TAFA1: variants seen among roughly 807,000 people sequenced by gnomAD.
The protein encoded by TAFA1 is chemokine-like protein TAFA-1.
Under a neutral mutation model 18.5 loss-of-function variants are expected in TAFA1, and 4 were observed. The ratio of observed to expected loss-of-function variants is 0.22; its 90% CI spans 0.11 to 0.49. The LOEUF is 0.49. Ranked by LOEUF, TAFA1 falls within the 20% of genes least tolerant of loss-of-function variation. The pLI is 0.98. For synonymous variants in TAFA1, 56 were observed against 55.2 expected (o/e 1.01, Z -0.06); for missense variants, 147 against 169.0 (o/e 0.87, Z 0.72).
At chr3:68,347,811 A>G (rs907947938) in intron 2 of TAFA1, among the ~76,000 whole-genome samples, 2 of 152,194 alleles carry the variant, frequency 1.3e-5, no homozygotes, top group African/African-American at 4.8e-5. Context: ...TTGGAAGGGT[A>G]CATCTTTATT....
intron 2 of TAFA1, among the ~76,000 whole-genome samples, chr3:68,309,531 G>A (rs912487156): frequency 8.5e-5 from 13 of 152,120 alleles, no homozygotes; most frequent in Non-Finnish European, 1.9e-4. Flanking sequence ...ACAAATATTG[G>A]AAGAAGCCCA....
At chr3:68,304,819 C>A (rs529725361) in intron 2 of TAFA1, among the ~76,000 whole-genome samples, 1 of 152,124 alleles carries the variant, frequency 6.6e-6, no homozygotes, top group East Asian at 1.9e-4. Flanking sequence ...AAAATGTTGT[C>A]CAAGGAAGGT....
intron 2 of TAFA1, among the ~76,000 whole-genome samples, chr3:68,060,717 G>A (rs1347372972): frequency 6.6e-6 from 1 of 152,160 alleles, no homozygotes; most frequent in African/African-American, 2.4e-5. Context: ...TGTCATGGAT[G>A]TCACGTACAT....
chr3:68,356,195 A>G (rs995121315), intron 2 of TAFA1, among the ~76,000 whole-genome samples: 3 of 151,880 alleles, frequency 2.0e-5, no homozygotes, highest in East Asian at 1.9e-4. Flanking sequence ...GTTGGAATAA[A>G]AAAACAATTT....
At chr3:68,010,897 A>C (rs956578444) in intron 2 of TAFA1, among the ~76,000 whole-genome samples, 1 of 152,142 alleles carries the variant, frequency 6.6e-6, no homozygotes, top group African/African-American at 2.4e-5. Flanking sequence ...TAGTTGTAAA[A>C]AGACACACTA....
chr3:68,380,194 A>T (rs1160954782), intron 2 of TAFA1, among the ~76,000 whole-genome samples: 5 of 152,006 alleles, frequency 3.3e-5, no homozygotes, highest in Non-Finnish European at 7.4e-5. Context: ...TGGTTCCAAG[A>T]CTTTGCTATT....
intron 2 of TAFA1, among the ~76,000 whole-genome samples, chr3:68,223,066 G>C (rs769718854): frequency 6.6e-6 from 1 of 152,066 alleles, no homozygotes; most frequent in African/African-American, 2.4e-5. Flanking sequence ...TTTGAGGCTT[G>C]ATTTCTTTTT....
At chr3:68,139,255 A>G (rs1317763657) in intron 2 of TAFA1, among the ~76,000 whole-genome samples, 1 of 152,220 alleles carries the variant, frequency 6.6e-6, no homozygotes, top group Non-Finnish European at 1.5e-5. Context: ...GTAATTGTGT[A>G]TTTAAATAGC....
intron 2 of TAFA1, among the ~76,000 whole-genome samples, chr3:68,075,698 CTTTTT>C (rs61592269): frequency 4.3e-5 from 6 of 139,436 alleles, no homozygotes; most frequent in Non-Finnish European, 7.8e-5. Context: ...TCTTCTTTCC[CTTTTT>C]TTTTTTTTTT....
At chr3:68,427,735 T>G (rs1236631124) in intron 3 of TAFA1, among the ~76,000 whole-genome samples, 1 of 151,922 alleles carries the variant, frequency 6.6e-6, no homozygotes, top group Non-Finnish European at 1.5e-5. Flanking sequence ...AAATCTCATC[T>G]TGAATTATAG....
intron 2 of TAFA1, among the ~76,000 whole-genome samples, chr3:68,303,516 C>T (rs932396450): frequency 5.9e-5 from 9 of 152,146 alleles, no homozygotes; most frequent in African/African-American, 2.2e-4. Flanking sequence ...TCTCAGCTCA[C>T]TGCAAGCTCT....
intron 3 of TAFA1, among the ~76,000 whole-genome samples, chr3:68,454,936 C>G (rs1294493673): frequency 6.6e-6 from 1 of 151,880 alleles, no homozygotes; most frequent in Non-Finnish European, 1.5e-5. Context: ...CCTAGACAGT[C>G]AAAAATCCAT....
At chr3:68,393,981 C>A (rs1365990398) in intron 2 of TAFA1, among the ~76,000 whole-genome samples, 1 of 152,182 alleles carries the variant, frequency 6.6e-6, no homozygotes, top group Non-Finnish European at 1.5e-5. Context: ...TCTCACCACT[C>A]CTATTCAACA....
chr3:68,023,751 C>CA (rs1299436468), intron 2 of TAFA1, among the ~76,000 whole-genome samples: 3 of 151,800 alleles, frequency 2.0e-5, no homozygotes, highest in Non-Finnish European at 4.4e-5. Context: ...GTGTGTGAAT[C>CA]AAAAAAATAA....
At chr3:68,127,664 G>T (rs1180856839) in intron 2 of TAFA1, among the ~76,000 whole-genome samples, 2 of 742 alleles carry the variant, frequency 2.7e-3, no homozygotes, top group African/African-American at 0.013. Flanking sequence ...TGGTGGTGGT[G>T]TGATGATGGT....
At chr3:68,493,318 G>C (rs1193945592) in intron 3 of TAFA1, among the ~76,000 whole-genome samples, 1 of 152,104 alleles carries the variant, frequency 6.6e-6, no homozygotes, top group African/African-American at 2.4e-5. Flanking sequence ...GCATGGGTTG[G>C]AATTTCCTTT....
At chr3:68,330,779 T>C (rs1158994) in intron 2 of TAFA1, among the ~76,000 whole-genome samples, 90,305 of 152,022 alleles carry the variant, frequency 0.59, 27,665 homozygotes, top group East Asian at 1. Context: ...GTTTTTAGCT[T>C]TGAGATATTT....
intron 2 of TAFA1, among the ~76,000 whole-genome samples, chr3:68,227,766 T>A (rs191955411): frequency 2.6e-5 from 4 of 152,314 alleles, no homozygotes; most frequent in Admixed American, 2.6e-4. Context: ...CGTGGTGAAT[T>A]CCCAAACAGG....
At chr3:68,352,884 T>G (rs1024076665) in intron 2 of TAFA1, among the ~76,000 whole-genome samples, 2 of 151,986 alleles carry the variant, frequency 1.3e-5, no homozygotes, top group Non-Finnish European at 2.9e-5. Flanking sequence ...ACATCTGTCA[T>G]TTACCTCCTC....
Sources: gnomAD v4.1 joint callset for allele counts (sites outside exome capture counted in the v4.1 genomes callset) on GRCh38, gnomAD v4.1.1 for gene constraint, MANE v1.5 for transcripts, NCBI Gene and HGNC (gene_info 2026-07-23, HGNC 2026-07-21) for gene names.